AGMO: variants seen among roughly 807,000 people sequenced by gnomAD.
AGMO encodes the protein alkylglycerol monooxygenase, also known as glyceryl-ether monooxygenase.
AGMO carries 75 observed loss-of-function variants against 60.2 expected under a neutral mutation model. The ratio of observed to expected loss-of-function variants is 1.25; its 90% confidence interval spans 1.03 to 1.51. The LOEUF (loss-of-function observed/expected upper bound fraction) is 1.51. AGMO is among the 40% of genes most tolerant of loss of function. AGMO has a pLI of 0.00. For missense variants in AGMO, 763 were observed against 525.5 expected, an observed-to-expected ratio of 1.45 and a Z score of -4.42; for synonymous variants, 261 against 177.1, an observed-to-expected ratio of 1.47 and a Z score of -3.76.
chr7:15,197,297 A>G (rs1053408951), downstream of AGMO, among the ~76,000 whole-genome samples: 2 of 152,180 alleles, frequency 1.3e-5, no homozygotes, highest in African/African-American at 4.8e-5. Flanking sequence ...AATGTATACC[A>G]TATGTTAAAG....
chr7:15,253,507 C>A (rs550433523), intron 12 of AGMO, among the ~76,000 whole-genome samples: 2 of 152,122 alleles, frequency 1.3e-5, no homozygotes, highest in South Asian at 2.1e-4. Flanking sequence ...GGCCAGCTTG[C>A]ATTTCCTAAT....
At chr7:15,532,114 C>A (rs1784384295) in intron 3 of AGMO, among the ~76,000 whole-genome samples, 2 of 152,192 alleles carry the variant, frequency 1.3e-5, no homozygotes, top group Admixed American at 6.6e-5. Flanking sequence ...AGCATCACTT[C>A]ATCTATCCTA....
At chr7:15,155,883 C>T in the AGMO span, among the ~76,000 whole-genome samples, 3 of 152,124 alleles carry the variant, frequency 2.0e-5, no homozygotes, top group Non-Finnish European at 4.4e-5. Context: ...TGCTTTGTTT[C>T]TGGATACTTT....
chr7:15,419,622 T>C (rs28459767), intron 4 of AGMO, among the ~76,000 whole-genome samples: 10,571 of 152,074 alleles, frequency 0.07, 529 homozygotes, highest in African/African-American at 0.14. Flanking sequence ...ACTCGTCTAG[T>C]TCTTGTTTTG....
At chr7:15,532,853 T>C (rs1784403347) in intron 3 of AGMO, among the ~76,000 whole-genome samples, 2 of 152,088 alleles carry the variant, frequency 1.3e-5, no homozygotes, top group South Asian at 4.2e-4. Context: ...TAGCCGAGAA[T>C]GGTGGCATGT....
At chr7:15,357,531 G>C (rs1004638143) in intron 12 of AGMO, among the ~76,000 whole-genome samples, 1 of 152,128 alleles carries the variant, frequency 6.6e-6, no homozygotes. Context: ...CCCACCCTTT[G>C]ATTTTCGGCT....
At chr7:15,455,153 A>G (rs1781968227) in intron 3 of AGMO, among the ~76,000 whole-genome samples, 1 of 150,488 alleles carries the variant, frequency 6.6e-6, no homozygotes, top group South Asian at 2.1e-4. Flanking sequence ...TTATATTATC[A>G]TTATTTTTGG....
chr7:15,476,423 T>C (rs1237571057), intron 3 of AGMO, among the ~76,000 whole-genome samples: 2 of 152,094 alleles, frequency 1.3e-5, no homozygotes, highest in Non-Finnish European at 2.9e-5. Context: ...CCCCAGTTTG[T>C]GCTTATTTTA....
At chr7:15,488,740 G>A (rs1782987283) in intron 3 of AGMO, among the ~76,000 whole-genome samples, 1 of 151,838 alleles carries the variant, frequency 6.6e-6, no homozygotes, top group African/African-American at 2.4e-5. Context: ...TAACTAGCCA[G>A]GCAAGAAAGA....
At chr7:15,198,152 T>C (rs140829950), downstream of AGMO, among the ~76,000 whole-genome samples, 121 of 145,020 alleles carry the variant, frequency 8.3e-4, 1 homozygote, top group East Asian at 0.024. Context: ...ATCTCTCCGA[T>C]AGAAGTGGTG....
At chr7:15,356,936 CCT>C (rs1157229874) in intron 12 of AGMO, among the ~76,000 whole-genome samples, 2 of 146,496 alleles carry the variant, frequency 1.4e-5, no homozygotes, top group East Asian at 2.0e-4. Flanking sequence ...GGCGAAATCC[CCT>C]CTCTACTAAA....
intron 3 of AGMO, among the ~76,000 whole-genome samples, chr7:15,529,763 T>TATATACTATATACTCTATATATA (rs1322329496): frequency 3.4e-5 from 4 of 116,238 alleles, no homozygotes; most frequent in African/African-American, 1.3e-4. Context: ...TATATATATA[T>TATATACTATATACTCTATATATA]TTCTCTATAT....
chr7:15,161,677 A>G, the AGMO span, among the ~76,000 whole-genome samples: 1 of 151,452 alleles, frequency 6.6e-6, no homozygotes, highest in Non-Finnish European at 1.5e-5. Context: ...GATTAATGCT[A>G]TATGTATATG....
At chr7:15,388,735 A>T (rs1242290956) in intron 8 of AGMO, among the ~76,000 whole-genome samples, 1 of 152,234 alleles carries the variant, frequency 6.6e-6, no homozygotes, top group Admixed American at 6.5e-5. Flanking sequence ...ATGCCTCTGC[A>T]GAATAGGTGA....
chr7:15,322,567 TATATATAAATATATATAAATATATAA>T (rs1781170103), intron 12 of AGMO, among the ~76,000 whole-genome samples: 12 of 40,034 alleles, frequency 3.0e-4, no homozygotes, highest in African/African-American at 1.6e-3. Flanking sequence ...AATATATAAA[TATATATAAATATATATAAATATATAA>T]ATATATATAA....
intron 12 of AGMO, among the ~76,000 whole-genome samples, chr7:15,287,599 T>A (rs73284543): frequency 0.034 from 5,160 of 152,280 alleles, 318 homozygotes; most frequent in African/African-American, 0.12. Context: ...ATTTGTAGTA[T>A]GTGTACTATA....
intron 12 of AGMO, among the ~76,000 whole-genome samples, chr7:15,266,876 G>A (rs1188500987): frequency 6.6e-6 from 1 of 151,454 alleles, no homozygotes; most frequent in African/African-American, 2.4e-5. Context: ...CAAAATAAAG[G>A]ACCTACTACT....
chr7:15,365,481 G>T, intron 12 of AGMO, 33 bp downstream of exon 12: 1 of 1,423,834 alleles, frequency 7.0e-7, no homozygotes, highest in Admixed American at 1.7e-5. Context: ...ATAGGTATAC[G>T]CCATCCTGTG....
At chr7:15,489,239 T>C (rs1309086750) in intron 3 of AGMO, among the ~76,000 whole-genome samples, 2 of 152,150 alleles carry the variant, frequency 1.3e-5, no homozygotes, top group Admixed American at 6.5e-5. Flanking sequence ...CTTTGTAGAA[T>C]CATGAAGAGC....
Sources: gnomAD v4.1 joint callset for allele counts (sites outside exome capture counted in the v4.1 genomes callset) on GRCh38, gnomAD v4.1.1 for gene constraint, MANE v1.5 for transcripts, NCBI Gene and HGNC (gene_info 2026-07-23, HGNC 2026-07-21) for gene names.